Variants in CC2D2A observed in about 807,000 individuals in gnomAD.
CC2D2A encodes coiled-coil and C2 domain containing 2A, also known as coiled-coil and C2 domain-containing protein 2A.
Under a neutral mutation model 212.9 loss-of-function variants are expected in CC2D2A, and 155 were observed. The ratio of observed to expected loss-of-function variants is 0.73; its 90% CI spans 0.64 to 0.83. The LOEUF (loss-of-function observed/expected upper bound fraction) is 0.83, where lower values mean the gene tolerates loss of function less well. Ranked by LOEUF, CC2D2A falls within the 40% of genes least tolerant of loss-of-function variation. The pLI, the probability that CC2D2A is intolerant of heterozygous loss-of-function variation, is 0.00. For synonymous variants in CC2D2A, 667 were observed against 686.5 expected, an observed-to-expected ratio of 0.97 and a Z score of 0.44; for missense variants, 1,856 against 1,956.2, an observed-to-expected ratio of 0.95 and a Z score of 0.97.
At chr4:15,595,700 T>C (rs892647518) in intron 33 of CC2D2A, among the ~76,000 whole-genome samples, 2 of 152,196 alleles carry the variant, frequency 1.3e-5, no homozygotes, top group East Asian at 1.9e-4. Flanking sequence ...AGAATGCGCA[T>C]TGCTGTGGAT....
At chr4:15,526,999 A>C (rs989460792) in intron 11 of CC2D2A, among the ~76,000 whole-genome samples, 19 of 152,294 alleles carry the variant, frequency 1.2e-4, no homozygotes, top group African/African-American at 4.6e-4. Flanking sequence ...CTATCTACAA[A>C]ATGAAGCCTT....
In CC2D2A at chr4:15,596,746, G is replaced by A. The variant is rs1208189493; in HGVS notation, c.4437+539G>A. On this transcript the variant is annotated intron_variant, in intron 34 of 36. Coordinates refer to ENST00000424120, the MANE Select transcript of CC2D2A (RefSeq NM_001378615.1). ...AAAAGCTTTGAAGAACATTACCCTA[G>A]AGAAATTCTCCCATATGTGTATAAG... Among the ~76,000 whole-genome samples, 3 of 152,130 alleles carry A rather than the reference G, an allele frequency of 2.0e-5. No homozygotes were observed. In the East Asian group the frequency reaches 5.8e-4, roughly 29 times the overall value.
intron 33 of CC2D2A, among the ~76,000 whole-genome samples, chr4:15,594,310 A>G (rs1721227118): frequency 2.0e-5 from 3 of 152,114 alleles, no homozygotes; most frequent in Non-Finnish European, 4.4e-5. Flanking sequence ...CAGCCCTTGC[A>G]CAATTAACTA....
Position 15,486,333 on chromosome 4 carries a change from T to C in CC2D2A, c.247+5506T>C, listed in dbSNP as rs1714998144. Among the ~76,000 whole-genome samples the C allele has an allele frequency of 2.6e-5, 4 of 152,082 alleles. No homozygotes were observed. The South Asian group carries it at 8.3e-4, about 31-fold the overall frequency. ...CTTTTTATTACTGCTTCTATCTCAT[T>C]ACTTGTTTTTTGTCTATTCAGATTT... On this transcript the variant is annotated intron_variant, in intron 4 of 36. Transcript: ENST00000424120.
At position 15,553,175 on chromosome 4, in the gene CC2D2A, G is replaced by A. The variant is rs1719093317; in HGVS notation, c.2356G>A (p.Glu786Lys). Residue 786 changes from glutamate (E) to lysine (K), a missense_variant, in exon 19 of 37, where the codon GAA becomes AAA. Glu to Lys is a moderately conservative substitution (Grantham distance 56). Coordinates refer to ENST00000424120, the MANE Select transcript of CC2D2A (RefSeq NM_001378615.1). ...TTCCCCAGGAGTGCCCTTCTCATTT[G>A]AAGCTGATGGCAGTAACCAGCTGAC... ...GVGSGVPFSF[E>K]ADGSNQLTLM... 2 of 1,602,406 alleles carry A rather than the reference G, an allele frequency of 1.2e-6. No homozygotes were observed. Among genetic ancestry groups the A allele is most frequent in the Non-Finnish European group, 1.7e-6 (2 of 1,175,926 alleles).
intron 24 of CC2D2A, chr4:15,563,777 C>T: frequency 2.2e-6 from 1 of 457,662 alleles, no homozygotes; most frequent in Non-Finnish European, 4.0e-6. Context: ...AGGGAGACTG[C>T]AGGGATAAGA....
At chr4:15,579,032 A>AT (rs398107026) in intron 29 of CC2D2A, among the ~76,000 whole-genome samples, 39 of 151,748 alleles carry the variant, frequency 2.6e-4, no homozygotes, top group Non-Finnish European at 5.3e-4. Flanking sequence ...TACAAAAAAA[A>AT]TTTAAAAATA....
intron 4 of CC2D2A, among the ~76,000 whole-genome samples, chr4:15,496,549 T>C (rs1715625400): frequency 6.6e-6 from 1 of 152,136 alleles, no homozygotes. Flanking sequence ...GCTTTATTTC[T>C]AGGAAGAGAG....
chr4:15,473,596 A>T (rs1396033383), intron 1 of CC2D2A, among the ~76,000 whole-genome samples: 2 of 152,178 alleles, frequency 1.3e-5, no homozygotes, highest in South Asian at 2.1e-4. Flanking sequence ...TGAGTGAAGC[A>T]ATGTGATTAT....
Position 15,553,220 on chromosome 4 carries a change from G to T in CC2D2A, c.2401G>T (p.Val801Leu). The T allele has an allele frequency of 2.5e-6, 4 of 1,612,388 alleles. No homozygotes were observed. Among genetic ancestry groups the T allele is most frequent in the Non-Finnish European group, 2.5e-6 (3 of 1,179,322 alleles). ...GCTGACTCTGATGACCTCAGGGAAA[G>T]TGTCTCATAGTGTGGCATGGGCCAT... ...NQLTLMTSGK[V>L]SHSVAWAIGE... The change falls in exon 19 of 37, where the codon GTG becomes TTG. Residue 801 changes from valine (V) to leucine (L), a missense_variant. Physicochemically the swap from Val to Leu is conservative, Grantham distance 32 (BLOSUM62 1). Transcript: ENST00000424120.
At chr4:15,552,179 C>A (rs1719039465) in intron 18 of CC2D2A, among the ~76,000 whole-genome samples, 1 of 152,136 alleles carries the variant, frequency 6.6e-6, no homozygotes, top group South Asian at 2.1e-4. Context: ...TCGGTAGAGG[C>A]CAAATCAGTG....
At chr4:15,520,552 G>A (rs1306570795) in intron 11 of CC2D2A, among the ~76,000 whole-genome samples, 1 of 152,138 alleles carries the variant, frequency 6.6e-6, no homozygotes, top group Non-Finnish European at 1.5e-5. Flanking sequence ...GGGCATGAGG[G>A]AGCCAATGGA....
chr4:15,594,853 T>G (rs1721249108), intron 33 of CC2D2A, among the ~76,000 whole-genome samples: 1 of 152,012 alleles, frequency 6.6e-6, no homozygotes, highest in African/African-American at 2.4e-5. Context: ...CAGGCTGGAG[T>G]GCAGTGGTGT....
At chr4:15,570,302 G>A in intron 27 of CC2D2A, 96 bp from the exon 28 acceptor site, 1 of 699,998 alleles carries the variant, frequency 1.4e-6, no homozygotes, top group Non-Finnish European at 2.5e-6. Context: ...AAGTTCATAT[G>A]CTTTCAGCTA....
chr4:15,516,775 C>T lies in CC2D2A; in HGVS notation c.1149+19C>T. On this transcript the variant is annotated intron_variant, in intron 11 of 36. Transcript: ENST00000424120. Reference sequence around the variant, plus strand: ...TAAAAAGGTAGACACTCCCCTCTCTCCACTTTTATTAAATGAAATTGAAAG... The same window carrying T: ...TAAAAAGGTAGACACTCCCCTCTCTTCACTTTTATTAAATGAAATTGAAAG... The T allele has an allele frequency of 6.2e-7, 1 of 1,603,768 alleles. No homozygotes were observed. The highest frequency in any genetic ancestry group is 8.5e-7 in the Non-Finnish European group (1 of 1,174,600).
intron 30 of CC2D2A, among the ~76,000 whole-genome samples, chr4:15,585,214 T>C (rs1200607197): frequency 6.6e-6 from 1 of 152,214 alleles, no homozygotes; most frequent in Non-Finnish European, 1.5e-5. Flanking sequence ...TGCAGTGCTA[T>C]TCACAATAGC....
At chr4:15,491,849 T>C (rs180756916) in intron 4 of CC2D2A, among the ~76,000 whole-genome samples, 1 of 152,248 alleles carries the variant, frequency 6.6e-6, no homozygotes, top group Admixed American at 6.5e-5. Context: ...TTTCATTTTC[T>C]TAATGGTGTC....
chr4:15,493,657 C>G (rs1176282024), intron 4 of CC2D2A, among the ~76,000 whole-genome samples: 2 of 152,190 alleles, frequency 1.3e-5, no homozygotes, highest in East Asian at 3.8e-4. Flanking sequence ...ACACTTGTAT[C>G]ACCATCTGAC....
rs974258016 is a variant in CC2D2A, at chr4:15,528,561, T to C, written c.1360-59T>C. 7 of 1,427,088 alleles carry C rather than the reference T, an allele frequency of 4.9e-6. No homozygotes were observed. In the African/African-American group the frequency reaches 7.0e-5, roughly 14 times the overall value. The allele number at this position is 1,427,088 out of a possible 1,614,324, so 88.4% of individuals were successfully genotyped here. On this transcript the variant is annotated intron_variant, in intron 12 of 36. Coordinates refer to ENST00000424120, the MANE Select transcript of CC2D2A (RefSeq NM_001378615.1). ...GCCCAGGAGAAGTGGGTGGGTCCAG[T>C]TGCACTGCAGTAGGGAATAGAGTTT...
Sources: allele counts gnomAD v4.1 joint callset (sites outside exome capture counted in the v4.1 genomes callset), GRCh38; gene constraint gnomAD v4.1.1; transcripts MANE v1.5; gene names NCBI Gene and HGNC (gene_info 2026-07-23, HGNC 2026-07-21).